FSTL5: variants seen among roughly 807,000 people sequenced by gnomAD.
FSTL5 encodes follistatin-related protein 5.
A neutral mutation model predicts 89.1 loss-of-function variants in FSTL5; 62 were observed. The observed-to-expected ratio is 0.70, with a 90% CI of 0.57 to 0.86. The LOEUF is 0.86. Among genes scored for constraint, FSTL5 ranks in the 40% least tolerant of loss-of-function variants. The probability of loss-of-function intolerance (pLI) is 0.00; values close to 1 mark genes in which losing one functional copy is unlikely to be tolerated. For missense variants in FSTL5, 1,057 were observed against 1,001.6 expected (o/e 1.06, Z -0.75); for synonymous variants, 383 against 346.2 (o/e 1.11, Z -1.18).
chr4:161,600,033 G>T (rs1734168901), intron 7 of FSTL5, among the ~76,000 whole-genome samples: 1 of 151,788 alleles, frequency 6.6e-6, no homozygotes, highest in Non-Finnish European at 1.5e-5. Context: ...CCCTATGAAG[G>T]TTACTAATTT....
intron 4 of FSTL5, among the ~76,000 whole-genome samples, chr4:161,909,183 G>A (rs1246510308): frequency 6.6e-6 from 1 of 152,082 alleles, no homozygotes; most frequent in Admixed American, 6.6e-5. Flanking sequence ...TGGCTGGGGA[G>A]TCCATTTTGG....
At chr4:161,650,368 A>C (rs774470056) in intron 7 of FSTL5, among the ~76,000 whole-genome samples, 4 of 152,202 alleles carry the variant, frequency 2.6e-5, no homozygotes, top group Non-Finnish European at 4.4e-5. Flanking sequence ...AAATTCAATT[A>C]ATGTTGAATT....
intron 2 of FSTL5, among the ~76,000 whole-genome samples, chr4:162,072,166 A>G (rs1729652511): frequency 6.6e-6 from 1 of 151,850 alleles, no homozygotes; most frequent in Non-Finnish European, 1.5e-5. Context: ...GATGAATGTC[A>G]GTTTAATTGA....
At chr4:161,882,453 C>A (rs1036323219) in intron 4 of FSTL5, among the ~76,000 whole-genome samples, 12 of 152,004 alleles carry the variant, frequency 7.9e-5, no homozygotes, top group African/African-American at 2.9e-4. Context: ...ACATTCAGAC[C>A]GCTTTTGCCA....
chr4:162,111,077 A>C (rs1184852007), intron 2 of FSTL5, among the ~76,000 whole-genome samples, 194 bp downstream of exon 2: 3 of 152,104 alleles, frequency 2.0e-5, no homozygotes, highest in Non-Finnish European at 4.4e-5. Flanking sequence ...TTTGTCAAGA[A>C]GTAGTTCTCG....
chr4:161,601,638 A>G (rs1734241578), intron 7 of FSTL5, among the ~76,000 whole-genome samples: 1 of 152,156 alleles, frequency 6.6e-6, no homozygotes, highest in African/African-American at 2.4e-5. Flanking sequence ...ACAAGAGCAT[A>G]AGAAACAACT....
At chr4:161,691,075 C>T (rs1737925652) in intron 6 of FSTL5, among the ~76,000 whole-genome samples, 1 of 151,806 alleles carries the variant, frequency 6.6e-6, no homozygotes, top group Admixed American at 6.6e-5. Context: ...CTATTTTTTT[C>T]TTTTATCGCT....
At chr4:161,601,403 A>T (rs951356169) in intron 7 of FSTL5, among the ~76,000 whole-genome samples, 4 of 151,632 alleles carry the variant, frequency 2.6e-5, no homozygotes, top group African/African-American at 4.8e-5. Flanking sequence ...CTGAGTTTTT[A>T]AAAAAGAGAA....
intron 2 of FSTL5, among the ~76,000 whole-genome samples, chr4:162,108,646 T>C (rs1367430743): frequency 2.0e-5 from 3 of 151,874 alleles, no homozygotes; most frequent in Non-Finnish European, 2.9e-5. Flanking sequence ...AGGTTAAAAA[T>C]AATGAATAAG....
At chr4:161,779,772 T>C (rs1274504017) in intron 4 of FSTL5, among the ~76,000 whole-genome samples, 4 of 12,244 alleles carry the variant, frequency 3.3e-4, no homozygotes, top group Non-Finnish European at 5.5e-4. Context: ...TATATATATA[T>C]ATGTATATAT....
intron 1 of FSTL5, among the ~76,000 whole-genome samples, chr4:162,128,985 C>T (rs1420436527): frequency 6.7e-6 from 1 of 150,144 alleles, no homozygotes; most frequent in African/African-American, 2.5e-5. Context: ...GCAGTGGCGC[C>T]ATCTGGGCGG....
At chr4:161,972,370 C>A (rs1735508641) in intron 3 of FSTL5, among the ~76,000 whole-genome samples, 1 of 152,094 alleles carries the variant, frequency 6.6e-6, no homozygotes, top group South Asian at 2.1e-4. Flanking sequence ...CATCACACCG[C>A]CCCGACATGA....
At chr4:161,984,354 T>C (rs1231187764) in intron 3 of FSTL5, among the ~76,000 whole-genome samples, 1 of 152,130 alleles carries the variant, frequency 6.6e-6, no homozygotes, top group East Asian at 1.9e-4. Context: ...TTTAAATTTA[T>C]TTTTGTACAT....
intron 15 of FSTL5, among the ~76,000 whole-genome samples, chr4:161,419,496 C>A (rs773615465): frequency 7.2e-5 from 11 of 152,118 alleles, no homozygotes; most frequent in Non-Finnish European, 1.2e-4. Flanking sequence ...TTCTGACTAC[C>A]ATGTCCTTAA....
intron 6 of FSTL5, among the ~76,000 whole-genome samples, chr4:161,712,009 G>A (rs146578325): frequency 1.3e-3 from 204 of 152,288 alleles, no homozygotes; most frequent in African/African-American, 4.5e-3. Flanking sequence ...ACAACCAACA[G>A]CTAGCAGCAT....
intron 6 of FSTL5, among the ~76,000 whole-genome samples, chr4:161,709,357 A>T (rs534220123): frequency 6.6e-6 from 1 of 152,276 alleles, no homozygotes; most frequent in Non-Finnish European, 1.5e-5. Context: ...ATCTTATTGA[A>T]TTATAAAATG....
chr4:161,650,909 C>T (rs1736317833), intron 7 of FSTL5, among the ~76,000 whole-genome samples: 2 of 152,048 alleles, frequency 1.3e-5, no homozygotes, highest in African/African-American at 4.8e-5. Context: ...TAAAAACAAA[C>T]AAAGCAAAAC....
chr4:161,984,418 G>A (rs1735907114), intron 3 of FSTL5, among the ~76,000 whole-genome samples: 1 of 151,988 alleles, frequency 6.6e-6, no homozygotes. Flanking sequence ...AGCACCTACT[G>A]CATGAATGTT....
At chr4:161,510,492 T>A in intron 10 of FSTL5, 68 bp from the exon 11 acceptor site, 1 of 859,336 alleles carries the variant, frequency 1.2e-6, no homozygotes, top group Admixed American at 3.3e-5. Context: ...TATATGGTAA[T>A]ATAAATATTA....
Sources: gnomAD v4.1 joint callset for allele counts (sites outside exome capture counted in the v4.1 genomes callset) on GRCh38, gnomAD v4.1.1 for gene constraint, MANE v1.5 for transcripts, NCBI Gene and HGNC (gene_info 2026-07-23, HGNC 2026-07-21) for gene names.